The following HEXB variants were observed in gnomAD, a reference collection of about 807,000 sequenced individuals.
The protein encoded by HEXB is beta-hexosaminidase subunit beta.
In HEXB, 51 loss-of-function variants were observed where a neutral mutation model predicts 71.2. The observed-to-expected ratio is 0.72, with a 90% CI of 0.57 to 0.90. The LOEUF (loss-of-function observed/expected upper bound fraction) is 0.90. Among genes scored for constraint, HEXB ranks in the 40% least tolerant of loss-of-function variants. The pLI, the probability that HEXB is intolerant of heterozygous loss-of-function variation, is 0.00. For missense variants in HEXB, 617 were observed against 677.0 expected, an observed-to-expected ratio of 0.91 and a Z score of 0.98; for synonymous variants, 266 against 249.3, an observed-to-expected ratio of 1.07 and a Z score of -0.63.
Position 74,698,410 on chromosome 5 carries a change from T to G in HEXB, c.669+1304T>G, listed in dbSNP as rs571572785. Among the ~76,000 whole-genome samples the G allele has an allele frequency of 1.1e-4, 16 of 150,046 alleles. No homozygotes were observed. In the East Asian group the frequency reaches 3.2e-3, roughly 30 times the overall value. On this transcript the variant is annotated intron_variant, in intron 5 of 13. Coordinates refer to ENST00000261416, the MANE Select transcript of HEXB (RefSeq NM_000521.4). ...TTATTATTATTATTTTTTTTTCTTTTTAGTTGAAGTCTTGCTCTGTCGCCA... is the reference window on the plus strand; with the variant it reads ...TTATTATTATTATTTTTTTTTCTTTGTAGTTGAAGTCTTGCTCTGTCGCCA...
rs1186019854 is a variant in HEXB, at chr5:74,713,622, A to G, written c.888A>G (p.Leu296=). The change falls in exon 7 of 14, where the codon CTA becomes CTG. Residue 296 remains leucine, a synonymous_variant. Transcript: ENST00000261416. ...LPEFDTPGHT[L]SWGKGQKDLL... ...AATTTGATACCCCTGGGCATACACT[A>G]TCTTGGGGAAAAGGTAAGGAGTTGT... The G allele has an allele frequency of 3.1e-6, 5 of 1,612,590 alleles. No homozygotes were observed. Among genetic ancestry groups the G allele is most frequent in the Admixed American group, 1.7e-5 (1 of 59,998 alleles).
chr5:74,683,821 CT>C (rs35751282), upstream of HEXB, among the ~76,000 whole-genome samples: 65,691 of 135,592 alleles, frequency 0.48, 15,882 homozygotes, highest in Non-Finnish European at 0.55. Flanking sequence ...TCTTTTCTTT[CT>C]TTTTTTTTTT....
intron 3 of HEXB, among the ~76,000 whole-genome samples, chr5:74,696,410 C>T (rs907842789): frequency 2.0e-5 from 3 of 152,034 alleles, no homozygotes; most frequent in Non-Finnish European, 4.4e-5. Flanking sequence ...TACTATTCTT[C>T]TTTTGTCTAT....
intron 8 of HEXB, 22 bp from the exon 9 acceptor site, chr5:74,716,565 T>G: frequency 6.7e-7 from 1 of 1,492,646 alleles, no homozygotes; most frequent in East Asian, 2.3e-5. Context: ...TCTAATGAAA[T>G]TTTAATCACT....
intron 1 of HEXB, among the ~76,000 whole-genome samples, chr5:74,659,323 G>A (rs1748276148): frequency 6.6e-6 from 1 of 152,140 alleles, no homozygotes; most frequent in South Asian, 2.1e-4. Flanking sequence ...ATAGACCATG[G>A]TCAGGGCCAG....
rs371924211 is a variant in HEXB, at chr5:74,652,016, C to G, written c.-377+11458C>G. ...TGTGTAAAACTACTCTTATGCCAGA[C>G]AAACTAGGACGTGTCTAAAAAGTCA... On this transcript the variant is annotated intron_variant, in intron 1 of 13. Coordinates refer to the HEXB transcript ENST00000511181. The surrounding 1 kb of genome is among the most constrained non-coding windows in gnomAD (Gnocchi z 5.4). Among the ~76,000 whole-genome samples, 12 of 152,282 alleles carry G rather than the reference C, an allele frequency of 7.9e-5. No homozygotes were observed. Among genetic ancestry groups the G allele is most frequent in the East Asian group, 5.8e-4 (3 of 5,178 alleles).
At position 74,696,748 on chromosome 5, in the gene HEXB, G is replaced by A; in HGVS notation, c.558+9G>A. On this transcript the variant is annotated intron_variant, in intron 4 of 13. Transcript: ENST00000261416. ...AAGATTCTTATGGAACTGTAAGTAT[G>A]ATTATTATATGTTACTAAAAATTGT... 7.3e-7 allele frequency: 1 copy of A among 1,373,228 alleles called. No individual in the cohort carries two copies. The highest frequency in any genetic ancestry group is 1.0e-6 in the Non-Finnish European group (1 of 962,056). The allele number at this position is 1,373,228 out of a possible 1,614,324, so 85.1% of individuals were successfully genotyped here.
At chr5:74,653,476 C>T (rs1425200862) in intron 1 of HEXB, among the ~76,000 whole-genome samples, 2 of 152,214 alleles carry the variant, frequency 1.3e-5, no homozygotes, top group South Asian at 2.1e-4. Context: ...ACCATTGGGT[C>T]AGCAAGCTCC....
intron 1 of HEXB, among the ~76,000 whole-genome samples, chr5:74,662,749 G>T (rs1197309957): frequency 6.6e-6 from 1 of 152,110 alleles, no homozygotes; most frequent in African/African-American, 2.4e-5. Flanking sequence ...AATATGCACA[G>T]TTTTATCTCT....
chr5:74,667,314 G>T (rs1748449499), intron 1 of HEXB, among the ~76,000 whole-genome samples: 1 of 152,036 alleles, frequency 6.6e-6, no homozygotes, highest in Admixed American at 6.5e-5. Flanking sequence ...AGCTATTCAG[G>T]AGGCTGAGGC....
chr5:74,703,110 G>A (rs1358209996), intron 5 of HEXB, among the ~76,000 whole-genome samples: 5 of 152,068 alleles, frequency 3.3e-5, no homozygotes, highest in Non-Finnish European at 5.9e-5. Context: ...CCGCCACCAC[G>A]CCCAGCTAAT....
rs558581786 is a variant in HEXB, at chr5:74,651,775, C to T, written c.-377+11217C>T. Among the ~76,000 whole-genome samples, 6 of 152,324 alleles carry T rather than the reference C, an allele frequency of 3.9e-5. No individual in the cohort carries two copies. The South Asian group carries it at 1.2e-3, about 32-fold the overall frequency. On this transcript the variant is annotated intron_variant, in intron 1 of 13. Coordinates refer to the HEXB transcript ENST00000511181. ...TCTCATGATAAGAAGTATTAAATCACCCAAACAGCAAGTCACCCAAAGGCT... is the reference window on the plus strand; with the variant it reads ...TCTCATGATAAGAAGTATTAAATCATCCAAACAGCAAGTCACCCAAAGGCT...
chr5:74,658,196 G>A (rs1244127528), intron 1 of HEXB, among the ~76,000 whole-genome samples: 1 of 152,164 alleles, frequency 6.6e-6, no homozygotes, highest in Non-Finnish European at 1.5e-5. Context: ...CATTCCTGGT[G>A]AGAAGGAAAA....
chr5:74,683,863 C>T (rs563445749), upstream of HEXB, among the ~76,000 whole-genome samples: 1 of 149,512 alleles, frequency 6.7e-6, no homozygotes, highest in Non-Finnish European at 1.5e-5. Flanking sequence ...TCTTGTTGCC[C>T]AGGCTGGAGT....
intron 1 of HEXB, among the ~76,000 whole-genome samples, chr5:74,669,619 C>T (rs1181908727): frequency 6.6e-6 from 1 of 152,040 alleles, no homozygotes; most frequent in Non-Finnish European, 1.5e-5. Flanking sequence ...AATCCTACAT[C>T]ATCGATCTGT....
chr5:74,712,619 C>G (rs1048879302), intron 6 of HEXB, among the ~76,000 whole-genome samples: 7 of 152,068 alleles, frequency 4.6e-5, no homozygotes, highest in African/African-American at 1.7e-4. Context: ...CCACCTTTTT[C>G]TCCTGTAATT....
chr5:74,650,838 A>G (rs960570302), intron 1 of HEXB, among the ~76,000 whole-genome samples: 2 of 149,568 alleles, frequency 1.3e-5, no homozygotes, highest in African/African-American at 2.5e-5. Flanking sequence ...AGGGAGGAGA[A>G]TGGCGTGAAC....
intron 1 of HEXB, among the ~76,000 whole-genome samples, chr5:74,648,189 T>C (rs1227954446): frequency 6.6e-6 from 1 of 152,206 alleles, no homozygotes; most frequent in Non-Finnish European, 1.5e-5. Context: ...ATAAAAGCAC[T>C]CTGAAACTGA....
At chr5:74,687,808 C>T (rs1748907337) in intron 1 of HEXB, among the ~76,000 whole-genome samples, 1 of 152,066 alleles carries the variant, frequency 6.6e-6, no homozygotes, top group African/African-American at 2.4e-5. Context: ...GAGAAGGGCC[C>T]TCAACACCTA....
Sources: gnomAD v4.1 joint callset for allele counts (sites outside exome capture counted in the v4.1 genomes callset) on GRCh38, gnomAD v4.1.1 for gene constraint, Gnocchi (gnomAD v3.1) non-coding constraint, MANE v1.5 for transcripts, NCBI Gene and HGNC (gene_info 2026-07-23, HGNC 2026-07-21) for gene names.